Variants in PRKACB observed in about 807,000 individuals in gnomAD.
The protein encoded by PRKACB is cAMP-dependent protein kinase catalytic subunit beta.
PRKACB carries 16 observed loss-of-function variants against 51.4 expected under a neutral mutation model. That is an observed-to-expected ratio of 0.31 (90% CI 0.21 to 0.47). The LOEUF (loss-of-function observed/expected upper bound fraction) is 0.47. PRKACB is among the 20% of genes least tolerant of loss of function. The pLI is 1.00. For synonymous variants in PRKACB, 147 were observed against 154.4 expected (o/e 0.95, Z 0.35); for missense variants, 309 against 464.5 (o/e 0.67, Z 3.08).
In PRKACB at chr1:84,196,631, G is replaced by A; in HGVS notation, c.576G>A (p.Arg192=). 6.2e-7 allele frequency: 1 copy of A among 1,613,524 alleles called. No individual in the cohort carries two copies. Among genetic ancestry groups the A allele is most frequent in the Non-Finnish European group, 8.5e-7 (1 of 1,179,682 alleles). Residue 192 remains arginine (R), a synonymous_variant, in exon 6 of 10, where the codon CGG becomes CGA. Transcript: ENST00000370685. Reference sequence around the variant, plus strand: ...TTCTTTGCAGTGAGCCCCATGCACGGTTCTATGCAGCTCAGATAGTGCTAA... The same window carrying A: ...TTCTTTGCAGTGAGCCCCATGCACGATTCTATGCAGCTCAGATAGTGCTAA... ...RIGRFSEPHA[R]FYAAQIVLTF...
At chr1:84,091,391 C>T (rs1051486211) in intron 1 of PRKACB, among the ~76,000 whole-genome samples, 2 of 152,162 alleles carry the variant, frequency 1.3e-5, no homozygotes, top group African/African-American at 4.8e-5. Context: ...GGGTTACATG[C>T]ACAACCTGGT....
Position 84,182,260 on chromosome 1 carries a change from A to C in PRKACB, c.310A>C (p.Arg104=). The stretch of plus-strand genomic sequence containing the variant: ...AACCCTTGGAACAGGTTCATTTGGA[A>C]GAGTCATGTTGGTAAAACACAAAGC... ...KKTLGTGSFG[R]VMLVKHKATE... Residue 104 remains arginine, a synonymous_variant, in exon 3 of 10, where the codon AGA becomes CGA. Coordinates refer to ENST00000370685, the MANE Select transcript of PRKACB (RefSeq NM_182948.4). The C allele has an allele frequency of 6.2e-7, 1 of 1,603,788 alleles. No individual in the cohort carries two copies. Among genetic ancestry groups the C allele is most frequent in the Non-Finnish European group, 8.5e-7 (1 of 1,173,770 alleles).
intron 1 of PRKACB, among the ~76,000 whole-genome samples, chr1:84,093,470 T>C (rs1648679229): frequency 6.6e-6 from 1 of 152,088 alleles, no homozygotes; most frequent in South Asian, 2.1e-4. Flanking sequence ...GTTCCATTGG[T>C]TTTGTCTATT....
intron 9 of PRKACB, among the ~76,000 whole-genome samples, chr1:84,224,665 C>T (rs994464744): frequency 6.6e-5 from 10 of 152,062 alleles, no homozygotes; most frequent in African/African-American, 1.9e-4. Context: ...CAATGGTGCA[C>T]GTGGGCACAG....
intron 8 of PRKACB, among the ~76,000 whole-genome samples, chr1:84,209,566 T>A (rs541731087): frequency 6.6e-6 from 1 of 152,268 alleles, no homozygotes; most frequent in African/African-American, 2.4e-5. Context: ...CTTAAGTGAG[T>A]CACTAGAGTG....
At chr1:84,205,027 C>T in intron 8 of PRKACB, 1 of 983,168 alleles carries the variant, frequency 1.0e-6, no homozygotes, top group Non-Finnish European at 1.2e-6. Flanking sequence ...AAGAATGACA[C>T]CAGAAAACCT....
intron 7 of PRKACB, 130 bp from the exon 8 acceptor site, chr1:84,202,553 C>T: frequency 1.2e-6 from 1 of 829,586 alleles, no homozygotes; most frequent in South Asian, 2.4e-5. Flanking sequence ...AAATTCTGTC[C>T]TGAATAGCTG....
chr1:84,235,547 G>T lies in PRKACB; in HGVS notation c.*242G>T, dbSNP rs145309062. Reference sequence around the variant, plus strand: ...TAGACCACTTTCTTACTTCTCTTTGGGTTGTCTTTCTCCTCTCCTATATCC... The same window carrying T: ...TAGACCACTTTCTTACTTCTCTTTGTGTTGTCTTTCTCCTCTCCTATATCC... On this transcript the variant is annotated 3_prime_UTR_variant, in exon 10 of 10. Transcript: ENST00000370685. 12 of 403,932 alleles carry T rather than the reference G, an allele frequency of 3.0e-5. No individual in the cohort carries two copies. Among genetic ancestry groups the T allele is most frequent in the South Asian group, 8.0e-5 (2 of 24,968 alleles). 25.0% of individuals were successfully genotyped at this position (403,932 alleles called of 1,614,324 possible).
chr1:84,236,445 A>ACTG lies in PRKACB; in HGVS notation c.*1145_*1147dup, dbSNP rs1676669907. 6.6e-6 allele frequency: 1 copy of ACTG among 152,638 alleles called. No homozygotes were observed. The highest frequency in any genetic ancestry group is 1.5e-5 in the Non-Finnish European group (1 of 68,030). 9.5% of individuals were successfully genotyped at this position (152,638 alleles called of 1,614,324 possible). ...ATATTTGTGAGCCTAGGGTAGGGGC[A>ACTG]CTGCTGCAACTTCTGCTTTCATCCC... On this transcript the variant is annotated 3_prime_UTR_variant, in exon 10 of 10. Coordinates refer to ENST00000370685, the MANE Select transcript of PRKACB (RefSeq NM_182948.4).
At chr1:84,091,490 G>GT (rs1187068539) in intron 1 of PRKACB, among the ~76,000 whole-genome samples, 5 of 151,922 alleles carry the variant, frequency 3.3e-5, no homozygotes, top group South Asian at 4.2e-4. Context: ...TAACTTTCTT[G>GT]TTTTTTTGGT....
chr1:84,113,610 A>G (rs909144188), intron 1 of PRKACB, among the ~76,000 whole-genome samples: 2 of 152,226 alleles, frequency 1.3e-5, no homozygotes, highest in Non-Finnish European at 2.9e-5. Context: ...TACAGTGGCA[A>G]CAATTGGTGA....
chr1:84,081,889 A>G (rs1033014038), intron 1 of PRKACB, among the ~76,000 whole-genome samples: 2 of 152,212 alleles, frequency 1.3e-5, no homozygotes, highest in African/African-American at 4.8e-5. Flanking sequence ...GTGTTCGCAT[A>G]TGATCTTTGA....
intron 1 of PRKACB, among the ~76,000 whole-genome samples, chr1:84,149,978 T>C (rs2100633752): frequency 6.6e-6 from 1 of 152,170 alleles, no homozygotes; most frequent in East Asian, 1.9e-4. Context: ...TAAAAACAAA[T>C]TTAAGGCCAG....
rs66546945 is a variant in PRKACB at position 84,105,542 on chromosome 1, CATTTATTTATTT to C, written c.46+27209_46+27220del. Among the ~76,000 whole-genome samples the C allele has an allele frequency of 3.3e-3, 486 of 145,626 alleles. 2 individuals are homozygous for C. The highest frequency in any genetic ancestry group is 1.0e-2 in the African/African-American group (389 of 39,022). On this transcript the variant is annotated intron_variant, in intron 1 of 8. Coordinates refer to the PRKACB transcript ENST00000370688. ...AGCATTTACAGATAACCACTGTTAG[CATTTATTTATTT>C]ATTTATTTATTTATTTATTTATTTA...
intron 1 of PRKACB, among the ~76,000 whole-genome samples, chr1:84,109,738 A>G (rs891033652): frequency 2.6e-5 from 4 of 151,866 alleles, no homozygotes; most frequent in African/African-American, 9.7e-5. Context: ...TTTTATTTCC[A>G]GAGAAAGTTG....
At chr1:84,102,206 TAAAA>T (rs879554698) in intron 1 of PRKACB, among the ~76,000 whole-genome samples, 1 of 134,904 alleles carries the variant, frequency 7.4e-6, no homozygotes. Context: ...CCATCTCTAC[TAAAA>T]AAAAAAAAAA....
chr1:84,116,020 A>G (rs1557958536), intron 1 of PRKACB, among the ~76,000 whole-genome samples: 1 of 148,844 alleles, frequency 6.7e-6, no homozygotes, highest in Non-Finnish European at 1.5e-5. Context: ...TTTTGAGTTG[A>G]TGTTTCTATG....
chr1:84,113,769 T>C lies in PRKACB; in HGVS notation c.46+35398T>C, dbSNP rs1650416556. On this transcript the variant is annotated intron_variant, in intron 1 of 8. Transcript: ENST00000370688. Reference sequence around the variant, plus strand: ...AAAGACCACACATTGTGTGATTTCATTTATATGAAAAGGAAAGGCAAATCT... The same window carrying C: ...AAAGACCACACATTGTGTGATTTCACTTATATGAAAAGGAAAGGCAAATCT... 2.0e-5 allele frequency among the ~76,000 whole-genome samples: 3 copies of C among 152,288 alleles called. No individual in the cohort carries two copies. In the South Asian group the frequency reaches 6.2e-4, roughly 32 times the overall value.
chr1:84,215,686 A>G (rs1672780307), intron 9 of PRKACB, among the ~76,000 whole-genome samples: 1 of 152,180 alleles, frequency 6.6e-6, no homozygotes, highest in Admixed American at 6.5e-5. Context: ...ACAAGTTGCC[A>G]GTATGACAGT....
Sources: allele counts gnomAD v4.1 joint callset (sites outside exome capture counted in the v4.1 genomes callset), GRCh38; gene constraint gnomAD v4.1.1; transcripts MANE v1.5; gene names NCBI Gene and HGNC (gene_info 2026-07-23, HGNC 2026-07-21).